The following DNAH12 variants were observed in gnomAD, a reference collection of about 807,000 sequenced individuals.
DNAH12 encodes the protein axonemal beta dynein heavy chain 12.
In DNAH12, 285 loss-of-function variants were observed where a neutral mutation model predicts 371.5. The ratio of observed to expected loss-of-function variants is 0.77; its 90% CI spans 0.70 to 0.85. The LOEUF (loss-of-function observed/expected upper bound fraction) is 0.85. DNAH12 is among the 40% of genes least tolerant of loss of function. DNAH12 has a pLI of 0.00. For missense variants in DNAH12, 3,611 were observed against 3,689.4 expected (o/e 0.98, Z 0.55); for synonymous variants, 1,200 against 1,213.0 (o/e 0.99, Z 0.22).
chr3:57,535,991 C>A (rs2069028864), intron 2 of DNAH12, among the ~76,000 whole-genome samples: 1 of 152,106 alleles, frequency 6.6e-6, no homozygotes, highest in Non-Finnish European at 1.5e-5. Context: ...CATCCGCCAC[C>A]ATGCTTGGCT....
chr3:57,403,345 C>G lies in DNAH12; in HGVS notation c.6912G>C (p.Lys2304Asn). 1 of 1,550,976 alleles carries G rather than the reference C, an allele frequency of 6.4e-7. No homozygotes were observed. Among genetic ancestry groups the G allele is most frequent in the Non-Finnish European group, 8.7e-7 (1 of 1,146,712 alleles). ...KMHIFQPEIS[K>N]SYGMNEWRED... ...CTCTCCATTCATTCATACCATAGCT[C>G]TTAGAAATTTCTGGTTGGAAAATAT... Residue 2304 changes from lysine (K) to asparagine (N), a missense_variant, in exon 43 of 74, where the codon AAG becomes AAC. This residue lies in a region of DNAH12 where 2,266 missense variants were observed against 2,236.9 expected (regional missense o/e 1.01). Coordinates refer to ENST00000495027, the MANE Select transcript of DNAH12 (RefSeq NM_001366028.2).
intron 25 of DNAH12, among the ~76,000 whole-genome samples, chr3:57,447,741 C>G (rs542227360): frequency 1.3e-5 from 2 of 152,150 alleles, no homozygotes; most frequent in African/African-American, 4.8e-5. Context: ...GTGGTGAGAT[C>G]TTGACTAGGT....
Position 57,412,123 on chromosome 3 carries a change from T to C in DNAH12, c.6020+1623A>G, listed in dbSNP as rs552551953. Among the ~76,000 whole-genome samples the C allele has an allele frequency of 5.3e-5, 8 of 152,298 alleles. No homozygotes were observed. In the South Asian group the frequency reaches 1.5e-3, roughly 28 times the overall value. On this transcript the variant is annotated intron_variant, in intron 39 of 73. Transcript: ENST00000495027. ...TGCTGGGCACAGTGGCTCATACCTA[T>C]AATCCCAGCTACCTAGGAGGCTGAG...
At chr3:57,308,784 T>C (rs1383320108) in intron 69 of DNAH12, among the ~76,000 whole-genome samples, 2 of 152,202 alleles carry the variant, frequency 1.3e-5, no homozygotes, top group East Asian at 1.9e-4. Context: ...TAATTAGATG[T>C]CCTAGGTCCT....
Position 57,433,327 on chromosome 3 carries a change from A to G in DNAH12, c.4980+40T>C, listed in dbSNP as rs1038852649. ...AGTTGCTGAACACATAAAATTGCTT[A>G]ATCATGGCTGAATCTGCTTCTCTTT... is the stretch of plus-strand genomic sequence containing the variant. On this transcript the variant is annotated intron_variant, in intron 32 of 73. Coordinates refer to ENST00000495027, the MANE Select transcript of DNAH12 (RefSeq NM_001366028.2). 16 of 1,529,318 alleles carry G rather than the reference A, an allele frequency of 1.0e-5. No individual in the cohort carries two copies. The Admixed American group carries it at 1.0e-4, about 10-fold the overall frequency. The allele number at this position is 1,529,318 out of a possible 1,614,324, so 94.7% of individuals were successfully genotyped here.
chr3:57,304,248 C>T (rs1354718078), intron 69 of DNAH12, among the ~76,000 whole-genome samples: 2 of 152,198 alleles, frequency 1.3e-5, no homozygotes, highest in Admixed American at 6.5e-5. Context: ...GGTCTCTCCA[C>T]ATGGAAGCGA....
At chr3:57,481,690 C>T (rs2066747157) in intron 13 of DNAH12, among the ~76,000 whole-genome samples, 2 of 152,108 alleles carry the variant, frequency 1.3e-5, no homozygotes, top group Admixed American at 6.6e-5. Flanking sequence ...GCTACAGTAA[C>T]CAAAACAGCA....
At chr3:57,322,727 C>T (rs566593853) in intron 64 of DNAH12, among the ~76,000 whole-genome samples, 9 of 152,196 alleles carry the variant, frequency 5.9e-5, no homozygotes, top group South Asian at 4.1e-4. Context: ...GTCAGGAGTT[C>T]GAGACCAGGC....
intron 11 of DNAH12, among the ~76,000 whole-genome samples, chr3:57,496,921 A>C (rs951243978): frequency 1.3e-5 from 2 of 152,182 alleles, no homozygotes; most frequent in Admixed American, 6.6e-5. Flanking sequence ...GTGAGCCGAG[A>C]TCTTGCCATT....
chr3:57,342,484 CAAAAAAAAAA>C (rs71088060), intron 60 of DNAH12, among the ~76,000 whole-genome samples: 4 of 66,050 alleles, frequency 6.1e-5, no homozygotes, highest in South Asian at 7.1e-4. Context: ...ACTAAAAATA[CAAAAAAAAAA>C]AAAAAAAAAA....
chr3:57,391,615 C>A (rs935171032), intron 45 of DNAH12, among the ~76,000 whole-genome samples: 2 of 152,170 alleles, frequency 1.3e-5, no homozygotes, highest in Non-Finnish European at 2.9e-5. Flanking sequence ...GTATATATAC[C>A]CTTTGCACAT....
chr3:57,443,391 T>G (rs2065371712), intron 29 of DNAH12, among the ~76,000 whole-genome samples: 1 of 152,214 alleles, frequency 6.6e-6, no homozygotes. Flanking sequence ...ATTATAGGTG[T>G]GAGCCACCAT....
chr3:57,501,362 T>A lies in DNAH12; in HGVS notation c.1294A>T (p.Thr432Ser). The A allele has an allele frequency of 6.3e-7, 1 of 1,595,570 alleles. No homozygotes were observed. Residue 432 changes from threonine (T) to serine (S), a missense_variant, in exon 11 of 74, where the codon ACT (threonine) becomes TCT (serine). Thr to Ser is a moderately conservative substitution (Grantham distance 58, BLOSUM62 1). This residue lies in a region of DNAH12 where 1,314 missense variants were observed against 1,398.7 expected (regional missense o/e 0.94). Transcript: ENST00000495027. ...AAAGTATGATCTTCTGTCTGAAAAG[T>A]CTCTATATTCTCAACTGCAGTCCCA... Reference protein sequence around the residue: ...LDGTAVENIETFQTEDHTFDE... With the variant: ...LDGTAVENIESFQTEDHTFDE...
At chr3:57,420,381 T>C (rs982582133) in intron 36 of DNAH12, among the ~76,000 whole-genome samples, 1 of 152,224 alleles carries the variant, frequency 6.6e-6, no homozygotes, top group Non-Finnish European at 1.5e-5. Context: ...ATATGTTACA[T>C]GTTTGAATTG....
At chr3:57,415,790 T>A (rs1265158785) in intron 37 of DNAH12, among the ~76,000 whole-genome samples, 5 of 28,610 alleles carry the variant, frequency 1.7e-4, no homozygotes, top group Non-Finnish European at 2.9e-4. Context: ...TTTTTTATTC[T>A]TTTTTTTTTT....
At chr3:57,474,889 T>C (rs1007678000) in intron 13 of DNAH12, among the ~76,000 whole-genome samples, 1 of 151,404 alleles carries the variant, frequency 6.6e-6, no homozygotes, top group African/African-American at 2.4e-5. Context: ...GACAGGAGAA[T>C]CTCTTGAACC....
chr3:57,367,130 C>G (rs1474436068), intron 56 of DNAH12, among the ~76,000 whole-genome samples: 1 of 152,182 alleles, frequency 6.6e-6, no homozygotes, highest in Non-Finnish European at 1.5e-5. Context: ...GAGTTCAACA[C>G]CAGCCTGGCC....
At position 57,471,459 on chromosome 3, in the gene DNAH12, A is replaced by G. The variant is rs1321468286; in HGVS notation, c.1911+13T>C. ...GGGCTGGCCATAGCTATTGTCTCAT[A>G]TATTTATCAGACCTGTTGCATGCGC... On this transcript the variant is annotated intron_variant, in intron 15 of 73. Transcript: ENST00000495027. 1.0e-5 allele frequency: 16 copies of G among 1,533,532 alleles called. No individual in the cohort carries two copies. Among genetic ancestry groups the G allele is most frequent in the East Asian group, 2.5e-5 (1 of 40,036 alleles). The allele number at this position is 1,533,532 out of a possible 1,614,324, so 95.0% of individuals were successfully genotyped here. A position where few individuals can be genotyped will look rare whatever the true frequency, so the allele number is the denominator to read the frequency against.
intron 65 of DNAH12, among the ~76,000 whole-genome samples, chr3:57,315,401 A>G (rs950060313): frequency 1.3e-5 from 2 of 150,378 alleles, no homozygotes; most frequent in African/African-American, 4.9e-5. Flanking sequence ...AGTACATCAA[A>G]GCATATTTTA....
Sources: allele counts gnomAD v4.1 joint callset (sites outside exome capture counted in the v4.1 genomes callset), GRCh38; gene constraint gnomAD v4.1.1; regional missense constraint gnomAD v4.1.1; transcripts MANE v1.5; gene names NCBI Gene and HGNC (gene_info 2026-07-23, HGNC 2026-07-21).